Variants in CAMTA1 observed in about 807,000 individuals in gnomAD.
CAMTA1 encodes calmodulin binding transcription activator 1, also known as calmodulin-binding transcription activator 1.
A neutral mutation model predicts 170.9 loss-of-function variants in CAMTA1; 27 were observed. The ratio of observed to expected loss-of-function variants is 0.16; its 90% confidence interval spans 0.12 to 0.22. CAMTA1 has a LOEUF of 0.22. CAMTA1 is among the 10% of genes least tolerant of loss of function. CAMTA1 has a pLI of 1.00. For synonymous variants in CAMTA1, 833 were observed against 891.5 expected, an observed-to-expected ratio of 0.93 and a Z score of 1.17; for missense variants, 1,619 against 2,217.2, an observed-to-expected ratio of 0.73 and a Z score of 5.42.
At chr1:6,976,230 C>T (rs1030369940) in intron 3 of CAMTA1, among the ~76,000 whole-genome samples, 31 of 152,210 alleles carry the variant, frequency 2.0e-4, no homozygotes, top group African/African-American at 3.4e-4. Context: ...AAGGTCAGGA[C>T]GAGGAACAGC....
intron 6 of CAMTA1, among the ~76,000 whole-genome samples, chr1:7,544,287 G>A (rs116236844): frequency 0.015 from 2,256 of 152,292 alleles, 26 homozygotes; most frequent in Non-Finnish European, 0.023. Flanking sequence ...TCACTACCAC[G>A]AGAACAGTAT....
intron 3 of CAMTA1, among the ~76,000 whole-genome samples, chr1:7,000,603 T>C (rs528435894): frequency 2.0e-4 from 31 of 152,244 alleles, no homozygotes; most frequent in Admixed American, 2.0e-3. Flanking sequence ...GCAGGTGCCT[T>C]GGCCCGTGGA....
intron 3 of CAMTA1, among the ~76,000 whole-genome samples, chr1:7,072,331 G>A (rs1314897335): frequency 1.3e-5 from 2 of 152,212 alleles, no homozygotes; most frequent in African/African-American, 2.4e-5. Flanking sequence ...GTATGGATGC[G>A]AGGTGTGTGG....
Position 7,086,927 on chromosome 1 carries a change from T to C in CAMTA1, c.235-4377T>C, listed in dbSNP as rs2148083889. On this transcript the variant is annotated intron_variant, in intron 3 of 22. Coordinates refer to ENST00000303635, the MANE Select transcript of CAMTA1 (RefSeq NM_015215.4). ...TGTTTTCACTTCCTTTGGCCATGCT[T>C]TTGCCCCAGCCTCCTATGAATCTTT... is the stretch of plus-strand genomic sequence containing the variant. Among the ~76,000 whole-genome samples the C allele has an allele frequency of 2.0e-5, 3 of 152,336 alleles. No individual in the cohort carries two copies. The South Asian group carries it at 6.2e-4, about 32-fold the overall frequency.
At chr1:7,083,446 G>T (rs986014029) in intron 3 of CAMTA1, among the ~76,000 whole-genome samples, 2 of 152,226 alleles carry the variant, frequency 1.3e-5, no homozygotes, top group African/African-American at 2.4e-5. Context: ...GTGGGTGGGG[G>T]GTCCGGGATA....
rs116388372 is a variant in CAMTA1, at chr1:7,190,842, A to G, written c.303-58649A>G. ...ACCTAGTTTCCCAGAAAACTACACTATGAAGGAGGTTATCCATGTTTTACA... is the reference window on the plus strand; with the variant it reads ...ACCTAGTTTCCCAGAAAACTACACTGTGAAGGAGGTTATCCATGTTTTACA... On this transcript the variant is annotated intron_variant, in intron 4 of 22. Transcript: ENST00000303635. 2.0e-3 allele frequency among the ~76,000 whole-genome samples: 299 copies of G among 152,290 alleles called. 1 individual carries two copies. The highest frequency in any genetic ancestry group is 3.2e-3 in the Non-Finnish European group (221 of 68,022).
In CAMTA1 at chr1:7,072,268, T is replaced by C. The variant is rs542665114; in HGVS notation, c.235-19036T>C. 7.2e-5 allele frequency among the ~76,000 whole-genome samples: 11 copies of C among 152,330 alleles called. No individual in the cohort carries two copies. In the South Asian group the frequency reaches 1.5e-3, roughly 20 times the overall value. On this transcript the variant is annotated intron_variant, in intron 3 of 22. Coordinates refer to ENST00000303635, the MANE Select transcript of CAMTA1 (RefSeq NM_015215.4). ...CCCTGGCTGTGTGCTGGTTGGCTATTTCTGACTTTTGAGGTTGTCAGGCAA... is the reference window on the plus strand; with the variant it reads ...CCCTGGCTGTGTGCTGGTTGGCTATCTCTGACTTTTGAGGTTGTCAGGCAA...
chr1:6,927,042 G>A (rs1374066259), intron 3 of CAMTA1, among the ~76,000 whole-genome samples: 2 of 151,714 alleles, frequency 1.3e-5, no homozygotes, highest in South Asian at 2.1e-4. Flanking sequence ...ACCTGGCCTC[G>A]GTGATTATTT....
At position 7,015,977 on chromosome 1, in the gene CAMTA1, C is replaced by G. The variant is rs1038792909; in HGVS notation, c.235-75327C>G. Reference sequence around the variant, plus strand: ...TCCTGAGAACTCACTATCATGAGAACAGCAAGAGGGAATCCTCCCCTATGA... The same window carrying G: ...TCCTGAGAACTCACTATCATGAGAAGAGCAAGAGGGAATCCTCCCCTATGA... On this transcript the variant is annotated intron_variant, in intron 3 of 22. Coordinates refer to ENST00000303635, the MANE Select transcript of CAMTA1 (RefSeq NM_015215.4). Among the ~76,000 whole-genome samples, 3 of 152,216 alleles carry G rather than the reference C, an allele frequency of 2.0e-5. 1 individual carries two copies. In the South Asian group the frequency reaches 6.2e-4, roughly 32 times the overall value.
At chr1:6,907,763 G>A (rs1394748123) in intron 3 of CAMTA1, among the ~76,000 whole-genome samples, 3 of 152,258 alleles carry the variant, frequency 2.0e-5, no homozygotes, top group South Asian at 2.1e-4. Context: ...CATGTGCCCC[G>A]TGACTGGCAG....
intron 4 of CAMTA1, among the ~76,000 whole-genome samples, chr1:7,225,975 G>A (rs569665105): frequency 1.3e-5 from 2 of 152,284 alleles, no homozygotes; most frequent in East Asian, 1.9e-4. Context: ...TCCTAGGATG[G>A]CAGATGTGGG....
chr1:7,307,545 C>T (rs1351954506), intron 5 of CAMTA1, among the ~76,000 whole-genome samples: 1 of 151,954 alleles, frequency 6.6e-6, no homozygotes, highest in East Asian at 1.9e-4. Context: ...TCAAGTCTTT[C>T]ACCATTAAGT....
chr1:7,453,152 A>G lies in CAMTA1; in HGVS notation c.439-14678A>G, dbSNP rs866238328. ...GCTCCCAGCAGCATCTGGTGGCAGA[A>G]CCTTCTTTTGGCTTCGTCCCTGAAG... On this transcript the variant is annotated intron_variant, in intron 5 of 22. Transcript: ENST00000303635. Among the ~76,000 whole-genome samples the G allele has an allele frequency of 2.0e-5, 3 of 152,204 alleles. No homozygotes were observed. The South Asian group carries it at 6.2e-4, about 31-fold the overall frequency.
At chr1:7,103,604 CACA>C (rs1221847703) in intron 4 of CAMTA1, among the ~76,000 whole-genome samples, 2 of 124,202 alleles carry the variant, frequency 1.6e-5, no homozygotes, top group South Asian at 2.8e-4. Context: ...CACACATGTA[CACA>C]ACTACACACA....
In CAMTA1 at chr1:7,743,210, T is replaced by C. The variant is rs938346349; in HGVS notation, c.4183-1625T>C. ...TTGTTATTACAAAAACGAATTGTTC[T>C]TTGATGAAAATTTATAAAATTATCC... On this transcript the variant is annotated intron_variant, in intron 16 of 22. Transcript: ENST00000303635. Among the ~76,000 whole-genome samples, 20 of 152,110 alleles carry C rather than the reference T, an allele frequency of 1.3e-4. 1 individual carries two copies. Among genetic ancestry groups the C allele is most frequent in the African/African-American group, 4.8e-4 (20 of 41,374 alleles).
At chr1:7,544,585 T>TCTA (rs1271907307) in intron 6 of CAMTA1, among the ~76,000 whole-genome samples, 4 of 152,236 alleles carry the variant, frequency 2.6e-5, no homozygotes, top group Non-Finnish European at 5.9e-5. Flanking sequence ...AAGAGAACTT[T>TCTA]CTATGCAGCT....
At chr1:7,027,899 TTTTTC>T (rs1178069400) in intron 3 of CAMTA1, among the ~76,000 whole-genome samples, 1 of 151,388 alleles carries the variant, frequency 6.6e-6, no homozygotes, top group African/African-American at 2.4e-5. Context: ...TTTCTTTTTC[TTTTTC>T]TTTTCTTTTT....
intron 3 of CAMTA1, among the ~76,000 whole-genome samples, chr1:7,037,088 C>T (rs1175840339): frequency 6.6e-6 from 1 of 152,176 alleles, no homozygotes; most frequent in African/African-American, 2.4e-5. Context: ...CCTACGGACA[C>T]ATCAAGCATT....
intron 3 of CAMTA1, among the ~76,000 whole-genome samples, chr1:6,905,389 T>A (rs1172714585): frequency 2.6e-5 from 4 of 151,994 alleles, no homozygotes; most frequent in Non-Finnish European, 5.9e-5. Context: ...AGACAGGGTT[T>A]CACCATGTTG....
Sources: gnomAD v4.1 joint callset for allele counts (sites outside exome capture counted in the v4.1 genomes callset) on GRCh38, gnomAD v4.1.1 for gene constraint, MANE v1.5 for transcripts, NCBI Gene and HGNC (gene_info 2026-07-23, HGNC 2026-07-21) for gene names.